XKR9: variants seen among roughly 807,000 people sequenced by gnomAD.
XKR9 encodes XK-related protein 9.
In XKR9, 32 loss-of-function variants were observed where a neutral mutation model predicts 32.0. The observed-to-expected ratio is 1.00, with a 90% CI of 0.76 to 1.34. The LOEUF (loss-of-function observed/expected upper bound fraction) is 1.34, where lower values mean the gene tolerates loss of function less well. XKR9 is among the 40% of genes most tolerant of loss of function. The probability of loss-of-function intolerance (pLI) is 0.00; values close to 1 mark genes in which losing one functional copy is unlikely to be tolerated. For synonymous variants in XKR9, 168 were observed against 143.4 expected, an observed-to-expected ratio of 1.17 and a Z score of -1.22; for missense variants, 546 against 429.7, an observed-to-expected ratio of 1.27 and a Z score of -2.39.
chr8:70,901,406 C>T, the XKR9 span, among the ~76,000 whole-genome samples: 10 of 152,260 alleles, frequency 6.6e-5, no homozygotes, highest in Admixed American at 3.3e-4. Flanking sequence ...TCTCTGATGG[C>T]CAGTGATGAT....
At chr8:70,700,232 C>T (rs932121767) in intron 3 of XKR9, among the ~76,000 whole-genome samples, 8 of 152,202 alleles carry the variant, frequency 5.3e-5, no homozygotes, top group African/African-American at 2.4e-5. Flanking sequence ...TGAGGAACTG[C>T]GTTCCTTTGG....
At chr8:71,023,310 G>A in the XKR9 span, among the ~76,000 whole-genome samples, 65,857 of 152,050 alleles carry the variant, frequency 0.43, 15,329 homozygotes, top group Non-Finnish European at 0.53. Context: ...TGGGTAGAGC[G>A]CTTCAGCTTT....
chr8:70,800,077 T>C, the XKR9 span, among the ~76,000 whole-genome samples: 1 of 152,216 alleles, frequency 6.6e-6, no homozygotes, highest in Non-Finnish European at 1.5e-5. Flanking sequence ...TGAAGGAATG[T>C]TTAATTTTAT....
chr8:70,959,698 G>A, the XKR9 span, among the ~76,000 whole-genome samples: 1 of 152,168 alleles, frequency 6.6e-6, no homozygotes, highest in Non-Finnish European at 1.5e-5. Context: ...ATACATTTTT[G>A]AGGAGCATAG....
chr8:70,946,716 G>A, the XKR9 span, among the ~76,000 whole-genome samples: 1 of 152,184 alleles, frequency 6.6e-6, no homozygotes, highest in Non-Finnish European at 1.5e-5. Flanking sequence ...TCTGTGATAT[G>A]ATTTGCCTAT....
chr8:70,896,987 T>G, the XKR9 span, among the ~76,000 whole-genome samples: 12,731 of 152,100 alleles, frequency 0.084, 606 homozygotes, highest in African/African-American at 0.097. Flanking sequence ...TTCTAACCAA[T>G]TTTTTGTACC....
At chr8:70,923,096 G>T in the XKR9 span, among the ~76,000 whole-genome samples, 5 of 152,220 alleles carry the variant, frequency 3.3e-5, no homozygotes, top group African/African-American at 1.2e-4. Context: ...TCAGAGTGAC[G>T]TCCTGCAGAA....
At chr8:70,700,126 A>T (rs1167772768) in intron 3 of XKR9, among the ~76,000 whole-genome samples, 1 of 152,072 alleles carries the variant, frequency 6.6e-6, no homozygotes, top group Non-Finnish European at 1.5e-5. Context: ...CTTTGGTTTG[A>T]ATTTCCTCCT....
the XKR9 span, among the ~76,000 whole-genome samples, chr8:70,948,640 C>T: frequency 1.6e-4 from 24 of 152,300 alleles, no homozygotes; most frequent in South Asian, 1.9e-3. Context: ...CTGACATAAC[C>T]GAGCCTGCCG....
chr8:70,917,013 C>A, the XKR9 span, among the ~76,000 whole-genome samples: 3 of 151,942 alleles, frequency 2.0e-5, no homozygotes, highest in Non-Finnish European at 2.9e-5. Context: ...TTATATGTTG[C>A]TTCACTGTCC....
the XKR9 span, among the ~76,000 whole-genome samples, chr8:71,030,053 C>G: frequency 6.6e-6 from 1 of 152,094 alleles, no homozygotes; most frequent in East Asian, 1.9e-4. Context: ...GAATAGGACA[C>G]ATTTTTATTT....
chr8:71,001,881 CTTCTGCTGTGG>C, the XKR9 span, among the ~76,000 whole-genome samples: 1 of 152,144 alleles, frequency 6.6e-6, no homozygotes, highest in East Asian at 1.9e-4. Context: ...AACTATTTAT[CTTCTGCTGTGG>C]TTCCAAATAT....
At chr8:70,802,232 G>T in the XKR9 span, among the ~76,000 whole-genome samples, 1 of 151,958 alleles carries the variant, frequency 6.6e-6, no homozygotes, top group Non-Finnish European at 1.5e-5. Context: ...CACCGCGCCC[G>T]GCCCTTCTTT....
At chr8:70,884,528 A>G in the XKR9 span, among the ~76,000 whole-genome samples, 2 of 152,100 alleles carry the variant, frequency 1.3e-5, no homozygotes, top group South Asian at 4.1e-4. Context: ...TAGGTCTATG[A>G]CCCATTTTGA....
chr8:70,672,300 C>T lies in XKR9; in HGVS notation c.-360-2518C>T, dbSNP rs1417994253. On this transcript the variant is annotated intron_variant, in intron 1 of 4. Transcript: ENST00000408926. ...CAAAAGAACAAAGCTGGAGGCATCA[C>T]ACTACCTGACTTCAAACTATACTAC... Among the ~76,000 whole-genome samples the T allele has an allele frequency of 7.2e-5, 5 of 69,890 alleles. 1 individual carries two copies. Among genetic ancestry groups the T allele is most frequent in the Non-Finnish European group, 1.7e-4 (4 of 23,398 alleles). The allele number at this position is 69,890 out of a possible 152,430, so 45.9% of individuals were successfully genotyped here. A position where few individuals can be genotyped will look rare whatever the true frequency, so the allele number is the denominator to read the frequency against.
Position 70,701,025 on chromosome 8 carries a change from T to A in XKR9, c.273-5908T>A, listed in dbSNP as rs981639073. On this transcript the variant is annotated intron_variant, in intron 3 of 4. Coordinates refer to ENST00000408926, the MANE Select transcript of XKR9 (RefSeq NM_001011720.2). ...ATATAATCTGCTGGTGTGCCGTTTT[T>A]TAAGCCCCTCGGAAAAGCGCAGTAT... Among the ~76,000 whole-genome samples the A allele has an allele frequency of 2.0e-5, 3 of 152,184 alleles. No individual in the cohort carries two copies. The East Asian group carries it at 5.8e-4, about 29-fold the overall frequency.
chr8:70,685,508 A>AATAATC (rs1283957339), intron 3 of XKR9, among the ~76,000 whole-genome samples: 4 of 144,168 alleles, frequency 2.8e-5, no homozygotes, highest in Non-Finnish European at 6.1e-5. Context: ...TAATAATAAT[A>AATAATC]ATAAAGAAAA....
the XKR9 span, among the ~76,000 whole-genome samples, chr8:70,894,936 T>C: frequency 2.0e-5 from 3 of 152,058 alleles, no homozygotes; most frequent in Admixed American, 6.5e-5. Flanking sequence ...CAGAACAAGA[T>C]ACACTCCAGC....
chr8:70,896,511 A>G, the XKR9 span, among the ~76,000 whole-genome samples: 1 of 149,598 alleles, frequency 6.7e-6, no homozygotes, highest in South Asian at 2.1e-4. Context: ...TTTAATGTAT[A>G]TGGGGACTCA....
Sources: gnomAD v4.1 joint callset for allele counts (sites outside exome capture counted in the v4.1 genomes callset) on GRCh38, gnomAD v4.1.1 for gene constraint, MANE v1.5 for transcripts, NCBI Gene and HGNC (gene_info 2026-07-23, HGNC 2026-07-21) for gene names.